The following ARHGAP15 variants were observed in gnomAD, a reference collection of about 807,000 sequenced individuals.
The protein encoded by ARHGAP15 is Rho GTPase activating protein 15.
Under a neutral mutation model 63.7 loss-of-function variants are expected in ARHGAP15, and 51 were observed. The observed-to-expected ratio is 0.80, with a 90% CI of 0.64 to 1.01. The LOEUF (loss-of-function observed/expected upper bound fraction) is 1.01. Among genes scored for constraint, ARHGAP15 ranks in the 50% least tolerant of loss-of-function variants. ARHGAP15 has a pLI of 0.00. For synonymous variants in ARHGAP15, 191 were observed against 193.8 expected, an observed-to-expected ratio of 0.99 and a Z score of 0.12; for missense variants, 560 against 564.6, an observed-to-expected ratio of 0.99 and a Z score of 0.08.
At chr2:143,458,066 AAAT>A (rs1690745780) in intron 8 of ARHGAP15, among the ~76,000 whole-genome samples, 1 of 152,144 alleles carries the variant, frequency 6.6e-6, no homozygotes, top group Non-Finnish European at 1.5e-5. Context: ...AATGAAATAA[AAAT>A]AACTCTGAAA....
intron 10 of ARHGAP15, among the ~76,000 whole-genome samples, chr2:143,542,421 C>G (rs1313597791): frequency 6.6e-6 from 1 of 152,018 alleles, no homozygotes; most frequent in Admixed American, 6.6e-5. Flanking sequence ...TGAGATGAAC[C>G]TGGTAACTCA....
chr2:143,401,719 A>T (rs952072564), intron 6 of ARHGAP15, among the ~76,000 whole-genome samples: 3 of 151,866 alleles, frequency 2.0e-5, no homozygotes, highest in African/African-American at 7.2e-5. Context: ...TACTTATACC[A>T]TCCTCGTTTT....
At chr2:143,710,988 A>T in intron 13 of ARHGAP15, among the ~76,000 whole-genome samples, 1 of 152,144 alleles carries the variant, frequency 6.6e-6, no homozygotes, top group East Asian at 1.9e-4. Context: ...TATATTCCAG[A>T]CCTGAACAAA....
chr2:143,280,331 A>C (rs1681779085), intron 6 of ARHGAP15, among the ~76,000 whole-genome samples: 1 of 152,138 alleles, frequency 6.6e-6, no homozygotes, highest in East Asian at 1.9e-4. Context: ...TAGGGAGCAC[A>C]GTGTCATTAG....
intron 6 of ARHGAP15, among the ~76,000 whole-genome samples, chr2:143,373,647 A>AAC (rs1686670493): frequency 8.8e-6 from 1 of 113,318 alleles, no homozygotes; most frequent in Admixed American, 8.4e-5. Flanking sequence ...AAAAAAAAAA[A>AAC]AAAAAAAAAA....
At chr2:143,508,254 T>A (rs1693411902) in intron 9 of ARHGAP15, among the ~76,000 whole-genome samples, 1 of 152,156 alleles carries the variant, frequency 6.6e-6, no homozygotes, top group East Asian at 1.9e-4. Context: ...TTTATACACT[T>A]GCTGCTCCCC....
chr2:143,369,834 C>T (rs917917183), intron 6 of ARHGAP15, among the ~76,000 whole-genome samples: 2 of 152,074 alleles, frequency 1.3e-5, no homozygotes, highest in African/African-American at 4.8e-5. Context: ...CCTACTTTTT[C>T]TTCCTCCTCC....
At chr2:143,761,424 C>T (rs971825667) in intron 13 of ARHGAP15, among the ~76,000 whole-genome samples, 2 of 152,250 alleles carry the variant, frequency 1.3e-5, no homozygotes, top group African/African-American at 4.8e-5. Context: ...TTCTAATACA[C>T]CTTCATAACT....
chr2:143,206,268 A>G (rs568534291), intron 3 of ARHGAP15, among the ~76,000 whole-genome samples: 1 of 152,182 alleles, frequency 6.6e-6, no homozygotes, highest in South Asian at 2.1e-4. Flanking sequence ...TTTCTTTATT[A>G]TATCGTACTT....
chr2:143,155,543 G>A lies in ARHGAP15; in HGVS notation c.53G>A (p.Arg18His), dbSNP rs781224062. Residue 18 changes from arginine (R) to histidine (H), a missense_variant, in exon 2 of 14, where the codon CGC becomes CAC. Coordinates refer to ENST00000295095, the MANE Select transcript of ARHGAP15 (RefSeq NM_018460.4). Reference sequence around the variant, plus strand: ...TCCGTGGAAACACTGAATTCTACCCGCCAAGGCACAGGAGCTGTGCAAATG... The same window carrying A: ...TCCGTGGAAACACTGAATTCTACCCACCAAGGCACAGGAGCTGTGCAAATG... ...DTSVETLNST[R>H]QGTGAVQMRI... 63 of 1,608,588 alleles carry A rather than the reference G, an allele frequency of 3.9e-5. No individual in the cohort carries two copies. Among genetic ancestry groups the A allele is most frequent in the Middle Eastern group, 3.3e-4 (2 of 6,040 alleles).
At chr2:143,668,285 T>C (rs942047750) in intron 12 of ARHGAP15, among the ~76,000 whole-genome samples, 1 of 152,044 alleles carries the variant, frequency 6.6e-6, no homozygotes, top group Non-Finnish European at 1.5e-5. Context: ...ATTTTCTTTT[T>C]TTTTTTTTCT....
intron 12 of ARHGAP15, among the ~76,000 whole-genome samples, chr2:143,655,587 T>C (rs1433239196): frequency 1.3e-5 from 2 of 152,200 alleles, no homozygotes; most frequent in Admixed American, 1.3e-4. Flanking sequence ...TTCCCCATAG[T>C]AGAGTTGATT....
chr2:143,678,473 A>G (rs1682934249), intron 12 of ARHGAP15, among the ~76,000 whole-genome samples: 1 of 152,222 alleles, frequency 6.6e-6, no homozygotes, highest in Admixed American at 6.5e-5. Flanking sequence ...AGTGATGCCA[A>G]CAGTTCCAAC....
intron 6 of ARHGAP15, among the ~76,000 whole-genome samples, chr2:143,372,349 T>A (rs1240728120): frequency 8.8e-6 from 1 of 114,200 alleles, no homozygotes. Context: ...GTAGTCGATT[T>A]AAAAAAAAAA....
chr2:143,287,823 A>G (rs907014068), intron 6 of ARHGAP15, among the ~76,000 whole-genome samples: 1 of 152,126 alleles, frequency 6.6e-6, no homozygotes, highest in African/African-American at 2.4e-5. Flanking sequence ...AAAAGAAAAA[A>G]AGAAATGTCT....
intron 12 of ARHGAP15, among the ~76,000 whole-genome samples, chr2:143,671,135 C>T (rs962780864): frequency 2.6e-5 from 4 of 152,122 alleles, no homozygotes; most frequent in Non-Finnish European, 5.9e-5. Flanking sequence ...TTAGTATGAA[C>T]AAGGTTCATG....
chr2:143,235,895 A>G (rs1558832203), intron 5 of ARHGAP15: 16 of 1,519,176 alleles, frequency 1.1e-5, no homozygotes, highest in Non-Finnish European at 1.3e-5. Context: ...TGACTCTAGC[A>G]CTTCATTTGC....
At chr2:143,190,448 A>G (rs1691636726) in intron 2 of ARHGAP15, among the ~76,000 whole-genome samples, 1 of 152,186 alleles carries the variant, frequency 6.6e-6, no homozygotes, top group Admixed American at 6.5e-5. Context: ...CCTCTGACAT[A>G]TCTGGGAGGT....
At chr2:143,412,963 T>C (rs543134537) in intron 6 of ARHGAP15, among the ~76,000 whole-genome samples, 1 of 152,304 alleles carries the variant, frequency 6.6e-6, no homozygotes, top group African/African-American at 2.4e-5. Flanking sequence ...TTTTCAGGTC[T>C]AAATTTTTAT....
Sources: allele counts gnomAD v4.1 joint callset (sites outside exome capture counted in the v4.1 genomes callset), GRCh38; gene constraint gnomAD v4.1.1; transcripts MANE v1.5; gene names NCBI Gene and HGNC (gene_info 2026-07-23, HGNC 2026-07-21).